The following RETREG1 variants were observed in gnomAD, a reference collection of about 807,000 sequenced individuals.
RETREG1 encodes the protein family with sequence similarity 134 member B.
RETREG1 carries 44 observed loss-of-function variants against 54.8 expected under a neutral mutation model. The ratio of observed to expected loss-of-function variants is 0.80; its 90% CI spans 0.63 to 1.03. The LOEUF is 1.03. Ranked by LOEUF, RETREG1 falls within the 50% of genes least tolerant of loss-of-function variation. The pLI, the probability that RETREG1 is intolerant of heterozygous loss-of-function variation, is 0.00. For synonymous variants in RETREG1, 217 were observed against 238.5 expected (o/e 0.91, Z 0.83); for missense variants, 554 against 605.1 (o/e 0.92, Z 0.89).
intron 3 of RETREG1, among the ~76,000 whole-genome samples, chr5:16,493,144 T>C (rs557885543): frequency 2.2e-4 from 33 of 152,268 alleles, no homozygotes; most frequent in Non-Finnish European, 2.9e-4. Context: ...ACTTTTGCGA[T>C]TGACCCTTTC....
At chr5:16,539,853 T>C (rs1303192726) in intron 3 of RETREG1, among the ~76,000 whole-genome samples, 1 of 152,266 alleles carries the variant, frequency 6.6e-6, no homozygotes, top group Admixed American at 6.5e-5. Context: ...TCTGCACTTA[T>C]CAAATATAAC....
chr5:16,616,874 G>C lies in RETREG1; in HGVS notation c.98C>G (p.Ser33Cys). Residue 33 changes from serine to cysteine, a missense_variant, in exon 1 of 9, where the codon TCC becomes TGC. Ser to Cys is a moderately radical substitution (Grantham distance 112). This residue lies in a region of RETREG1 where 175 missense variants were observed against 142.1 expected (regional missense o/e 1.23). Transcript: ENST00000306320. Reference sequence around the variant, plus strand: ...CTCCTGCTGCTGCCGCTCTGCGGGGGATGCCTGGGGCGGTGGCGGCGACGG... The same window carrying C: ...CTCCTGCTGCTGCCGCTCTGCGGGGCATGCCTGGGGCGGTGGCGGCGACGG... Reference protein sequence around the residue: ...APPSPPPPQASPAERQQQEEE... With the variant: ...APPSPPPPQACPAERQQQEEE... 6.7e-7 allele frequency: 1 copy of C among 1,496,162 alleles called. No individual in the cohort carries two copies. Among genetic ancestry groups the C allele is most frequent in the East Asian group, 2.8e-5 (1 of 36,090 alleles). 92.7% of individuals were successfully genotyped at this position (1,496,162 alleles called of 1,614,324 possible).
chr5:16,563,828 A>T (rs951435438), intron 3 of RETREG1, among the ~76,000 whole-genome samples: 1 of 152,092 alleles, frequency 6.6e-6, no homozygotes, highest in Non-Finnish European at 1.5e-5. Context: ...TGTATTTCAA[A>T]CCTTACTTGT....
At chr5:16,550,596 T>C (rs542315589) in intron 3 of RETREG1, among the ~76,000 whole-genome samples, 4 of 152,298 alleles carry the variant, frequency 2.6e-5, no homozygotes, top group Non-Finnish European at 4.4e-5. Flanking sequence ...ACAAAAGCCA[T>C]CCAGCCCTGC....
chr5:16,493,250 C>A (rs1739323947), intron 3 of RETREG1, among the ~76,000 whole-genome samples: 1 of 152,170 alleles, frequency 6.6e-6, no homozygotes, highest in African/African-American at 2.4e-5. Context: ...CTCAACTACC[C>A]ATCATAGTAT....
intron 2 of RETREG1, among the ~76,000 whole-genome samples, chr5:16,567,492 G>C (rs1742046518): frequency 6.6e-6 from 1 of 152,210 alleles, no homozygotes; most frequent in African/African-American, 2.4e-5. Context: ...GACCACAGTT[G>C]ATGGCAACCA....
chr5:16,588,861 C>T (rs114013900), intron 1 of RETREG1, among the ~76,000 whole-genome samples: 2,374 of 152,250 alleles, frequency 0.016, 64 homozygotes, highest in African/African-American at 0.054. Context: ...GAGAAGCAAC[C>T]GTCTAATTTG....
At chr5:16,488,400 G>A (rs920453760) in intron 3 of RETREG1, among the ~76,000 whole-genome samples, 4 of 152,146 alleles carry the variant, frequency 2.6e-5, no homozygotes, top group African/African-American at 7.2e-5. Flanking sequence ...AGCAACCCAG[G>A]TACCACCTGG....
At chr5:16,586,156 A>G (rs1742621452) in intron 1 of RETREG1, among the ~76,000 whole-genome samples, 1 of 152,250 alleles carries the variant, frequency 6.6e-6, no homozygotes, top group African/African-American at 2.4e-5. Flanking sequence ...ACGGTGTGGC[A>G]GGAGGTACGG....
intron 3 of RETREG1, among the ~76,000 whole-genome samples, chr5:16,486,045 A>G (rs1293750526): frequency 1.3e-5 from 2 of 152,218 alleles, no homozygotes; most frequent in East Asian, 3.8e-4. Context: ...TTCATATAAT[A>G]GTTTTTTGGG....
intron 3 of RETREG1, among the ~76,000 whole-genome samples, chr5:16,540,805 C>A (rs1432104568): frequency 6.6e-6 from 1 of 152,182 alleles, no homozygotes; most frequent in African/African-American, 2.4e-5. Flanking sequence ...CGAGACATGT[C>A]ATGAAGACAT....
At chr5:16,591,071 A>T (rs1579713877) in intron 1 of RETREG1, among the ~76,000 whole-genome samples, 1 of 152,220 alleles carries the variant, frequency 6.6e-6, no homozygotes, top group East Asian at 1.9e-4. Flanking sequence ...ATAAATATAA[A>T]AAACTAAGGA....
chr5:16,613,477 A>G (rs576577701), intron 1 of RETREG1, among the ~76,000 whole-genome samples: 29 of 152,148 alleles, frequency 1.9e-4, no homozygotes, highest in Non-Finnish European at 3.4e-4. Context: ...CTTCCACCAC[A>G]CTTAATTCAT....
chr5:16,609,333 T>C (rs981391019), intron 1 of RETREG1, among the ~76,000 whole-genome samples: 5 of 152,186 alleles, frequency 3.3e-5, no homozygotes, highest in African/African-American at 1.2e-4. Flanking sequence ...TTATCATAAC[T>C]TTAGTAAAGT....
chr5:16,564,996 T>C (rs1741969736), intron 3 of RETREG1, among the ~76,000 whole-genome samples: 1 of 152,198 alleles, frequency 6.6e-6, no homozygotes, highest in African/African-American at 2.4e-5. Context: ...TCCTCAGCCA[T>C]CGTTTTTAAG....
chr5:16,616,315 G>T, intron 1 of RETREG1: 1 of 279,186 alleles, frequency 3.6e-6, no homozygotes. Context: ...GCTTGGGCGA[G>T]CAGGTCAAGA....
At chr5:16,496,689 G>T (rs1739472652) in intron 3 of RETREG1, among the ~76,000 whole-genome samples, 1 of 152,152 alleles carries the variant, frequency 6.6e-6, no homozygotes, top group Non-Finnish European at 1.5e-5. Flanking sequence ...TTCTCTTTTT[G>T]ATACCTTATT....
intron 3 of RETREG1, among the ~76,000 whole-genome samples, chr5:16,543,622 G>A (rs940127040): frequency 7.9e-5 from 12 of 150,974 alleles, no homozygotes; most frequent in Non-Finnish European, 1.8e-4. Context: ...GTTGCAGTGA[G>A]CCGAGATCGC....
intron 3 of RETREG1, among the ~76,000 whole-genome samples, chr5:16,555,080 C>CAT (rs70940378): frequency 0.82 from 124,794 of 151,972 alleles, 51,232 homozygotes; most frequent in Middle Eastern, 0.87. Context: ...CATCTAACAT[C>CAT]ATATTGCAGT....
Sources: gnomAD v4.1 joint callset for allele counts (sites outside exome capture counted in the v4.1 genomes callset) on GRCh38, gnomAD v4.1.1 for gene constraint, gnomAD v4.1.1 regional missense constraint, MANE v1.5 for transcripts, NCBI Gene and HGNC (gene_info 2026-07-23, HGNC 2026-07-21) for gene names.